The following RAB2A variants were observed in gnomAD, a reference collection of about 807,000 sequenced individuals.
The protein encoded by RAB2A is RAB2A, member RAS oncogene family, also known as ras-related protein Rab-2A.
RAB2A carries 7 observed loss-of-function variants against 32.5 expected under a neutral mutation model. The ratio of observed to expected loss-of-function variants is 0.22; its 90% CI spans 0.12 to 0.40. The LOEUF is 0.40. RAB2A is among the 10% of genes least tolerant of loss of function. The pLI is 1.00. For synonymous variants in RAB2A, 79 were observed against 85.2 expected (o/e 0.93, Z 0.40); for missense variants, 108 against 260.7 (o/e 0.41, Z 4.03).
intron 1 of RAB2A, among the ~76,000 whole-genome samples, chr8:60,549,697 G>T (rs1427242664): frequency 6.6e-6 from 1 of 152,014 alleles, no homozygotes; most frequent in Non-Finnish European, 1.5e-5. Context: ...TTCAAATTGG[G>T]TTTTTATCAG....
intron 1 of RAB2A, among the ~76,000 whole-genome samples, chr8:60,525,959 GTA>G (rs1355864619): frequency 2.5e-4 from 33 of 134,512 alleles, no homozygotes; most frequent in Middle Eastern, 3.8e-3. Context: ...ATGTATATAT[GTA>G]TATATATGTC....
At chr8:60,517,615 GCC>G (rs1807228916) in intron 1 of RAB2A, among the ~76,000 whole-genome samples, 1 of 152,076 alleles carries the variant, frequency 6.6e-6, no homozygotes, top group African/African-American at 2.4e-5. Flanking sequence ...TCTCTTCGCG[GCC>G]CCAGGAAAAA....
intron 1 of RAB2A, among the ~76,000 whole-genome samples, chr8:60,546,404 G>C (rs1807727746): frequency 6.6e-6 from 1 of 152,218 alleles, no homozygotes. Context: ...TGTGTCAAAA[G>C]ATGTCCATGG....
At chr8:60,565,429 A>AAAG (rs1224199785) in intron 2 of RAB2A, among the ~76,000 whole-genome samples, 1 of 151,638 alleles carries the variant, frequency 6.6e-6, no homozygotes, top group Non-Finnish European at 1.5e-5. Context: ...AAAAAAAAAA[A>AAAG]AAAAAGAAAG....
rs975466394 is a variant in RAB2A, at chr8:60,546,575, A to C, written c.47-12277A>C. 2.0e-5 allele frequency among the ~76,000 whole-genome samples: 3 copies of C among 152,244 alleles called. No individual in the cohort carries two copies. In the East Asian group the frequency reaches 5.8e-4, roughly 29 times the overall value. Reference sequence around the variant, plus strand: ...ATCTAGAGGAAACTTCAAGTGAAGAAGTGATCCATGTTGGATTTTTGTCTT... The same window carrying C: ...ATCTAGAGGAAACTTCAAGTGAAGACGTGATCCATGTTGGATTTTTGTCTT... On this transcript the variant is annotated intron_variant, in intron 1 of 7. Coordinates refer to ENST00000262646, the MANE Select transcript of RAB2A (RefSeq NM_002865.3).
chr8:60,546,621 A>C (rs920261114), intron 1 of RAB2A, among the ~76,000 whole-genome samples: 7 of 152,236 alleles, frequency 4.6e-5, no homozygotes, highest in African/African-American at 1.7e-4. Context: ...ATTAAATAAT[A>C]ATACTGTTAA....
intron 1 of RAB2A, among the ~76,000 whole-genome samples, chr8:60,539,452 A>G (rs899085163): frequency 6.6e-6 from 1 of 152,222 alleles, no homozygotes; most frequent in Non-Finnish European, 1.5e-5. Flanking sequence ...TAAGCAAACA[A>G]GGCCTAGAAA....
chr8:60,599,784 T>TA (rs1400932366), intron 6 of RAB2A, among the ~76,000 whole-genome samples: 1 of 151,838 alleles, frequency 6.6e-6, no homozygotes. Flanking sequence ...ATCCTGGAGT[T>TA]AAATGTAAAA....
chr8:60,551,156 T>G (rs1016857483), intron 1 of RAB2A, among the ~76,000 whole-genome samples: 1 of 152,164 alleles, frequency 6.6e-6, no homozygotes, highest in African/African-American at 2.4e-5. Flanking sequence ...CTGCTCTGCT[T>G]TTTCTTTTTA....
intron 5 of RAB2A, among the ~76,000 whole-genome samples, chr8:60,590,288 T>C (rs916332703): frequency 2.6e-5 from 4 of 151,996 alleles, no homozygotes; most frequent in African/African-American, 9.7e-5. Context: ...AAAAAAATTC[T>C]GATTATTTCC....
intron 5 of RAB2A, among the ~76,000 whole-genome samples, chr8:60,589,341 G>A (rs1196238734): frequency 1.3e-5 from 2 of 152,172 alleles, no homozygotes; most frequent in Non-Finnish European, 2.9e-5. Context: ...GGAGTATAAC[G>A]AACAAGAAAG....
rs191238545 is a variant in RAB2A, at chr8:60,544,413, C to A, written c.47-14439C>A. Among the ~76,000 whole-genome samples, 6 of 152,112 alleles carry A rather than the reference C, an allele frequency of 3.9e-5. No homozygotes were observed. In the South Asian group the frequency reaches 6.2e-4, roughly 16 times the overall value. On this transcript the variant is annotated intron_variant, in intron 1 of 7. Transcript: ENST00000262646. ...TGAGTTTAGTTGGAGATAATGCTCT[C>A]TTAGCTGTATTCATCTTGAAGAATC...
intron 3 of RAB2A, among the ~76,000 whole-genome samples, chr8:60,583,287 GT>G (rs1382907387): frequency 6.6e-6 from 1 of 152,024 alleles, no homozygotes; most frequent in African/African-American, 2.4e-5. Flanking sequence ...AAATGCTTAT[GT>G]TTTTGCAAAA....
At chr8:60,589,854 C>T (rs1367495710) in intron 5 of RAB2A, among the ~76,000 whole-genome samples, 1 of 152,030 alleles carries the variant, frequency 6.6e-6, no homozygotes, top group Non-Finnish European at 1.5e-5. Context: ...TATACACCTA[C>T]ACATATAACA....
At chr8:60,567,419 T>C (rs1047592028) in intron 2 of RAB2A, among the ~76,000 whole-genome samples, 2 of 152,228 alleles carry the variant, frequency 1.3e-5, no homozygotes, top group Non-Finnish European at 2.9e-5. Context: ...CTGTGGTAGT[T>C]ATTGCAACTT....
intron 1 of RAB2A, among the ~76,000 whole-genome samples, chr8:60,546,651 T>A (rs1047549467): frequency 4.6e-5 from 7 of 152,238 alleles, no homozygotes; most frequent in African/African-American, 1.7e-4. Flanking sequence ...TAGTGCTTCC[T>A]ACATGTTTTC....
intron 1 of RAB2A, among the ~76,000 whole-genome samples, chr8:60,550,980 T>A (rs1005065741): frequency 4.6e-5 from 7 of 152,162 alleles, no homozygotes; most frequent in African/African-American, 1.7e-4. Flanking sequence ...CTTAACTGTT[T>A]CCTTGGTGTG....
chr8:60,602,800 T>G (rs543371715), intron 6 of RAB2A, among the ~76,000 whole-genome samples: 6 of 152,370 alleles, frequency 3.9e-5, no homozygotes, highest in East Asian at 1.9e-4. Flanking sequence ...AAGTTTGTTC[T>G]AAGTGCTATG....
intron 6 of RAB2A, among the ~76,000 whole-genome samples, chr8:60,612,333 G>GATGTGTTT (rs1215816237): frequency 1.3e-5 from 2 of 152,324 alleles, no homozygotes; most frequent in African/African-American, 4.8e-5. Context: ...CTAAAATTAA[G>GATGTGTTT]ATGTGTTTAG....
Sources: allele counts gnomAD v4.1 joint callset (sites outside exome capture counted in the v4.1 genomes callset), GRCh38; gene constraint gnomAD v4.1.1; transcripts MANE v1.5; gene names NCBI Gene and HGNC (gene_info 2026-07-23, HGNC 2026-07-21).